Variants in RGS6 observed in about 807,000 individuals in gnomAD.
RGS6 encodes regulator of G-protein signaling 6.
In RGS6, 30 loss-of-function variants were observed where a neutral mutation model predicts 78.5. The observed-to-expected ratio is 0.38, with a 90% confidence interval of 0.29 to 0.52. RGS6 has a LOEUF of 0.52. Among genes scored for constraint, RGS6 ranks in the 20% least tolerant of loss-of-function variants. The pLI is 0.85. For synonymous variants in RGS6, 206 were observed against 206.0 expected (o/e 1.00, Z 0.00); for missense variants, 495 against 609.7 (o/e 0.81, Z 1.98).
intron 2 of RGS6, among the ~76,000 whole-genome samples, chr14:72,195,456 A>G (rs950783838): frequency 1.3e-5 from 2 of 152,192 alleles, no homozygotes; most frequent in African/African-American, 4.8e-5. Flanking sequence ...TGAGGTCTAC[A>G]AGGATGAGAG....
At chr14:71,948,740 CTTTTTTTT>C (rs71305831) in intron 1 of RGS6, among the ~76,000 whole-genome samples, 17 of 65,170 alleles carry the variant, frequency 2.6e-4, no homozygotes, top group African/African-American at 9.3e-4. Context: ...CTCTCTCTCT[CTTTTTTTT>C]TTTTTTTTTT....
rs573500311 is a variant in RGS6, at chr14:72,378,837, C to G, written c.184+26643C>G. Among the ~76,000 whole-genome samples the G allele has an allele frequency of 2.0e-5, 3 of 152,132 alleles. No homozygotes were observed. In the South Asian group the frequency reaches 6.2e-4, roughly 32 times the overall value. ...TAGAGGAAATTTTTCCTAACTCATTCTATGAGACCAGTGTAACTAACTAGA... is the reference window on the plus strand; with the variant it reads ...TAGAGGAAATTTTTCCTAACTCATTGTATGAGACCAGTGTAACTAACTAGA... On this transcript the variant is annotated intron_variant, in intron 3 of 17. Coordinates refer to ENST00000553525, the MANE Select transcript of RGS6 (RefSeq NM_001204424.2).
At chr14:72,517,220 AC>A (rs1330320884) in intron 14 of RGS6, among the ~76,000 whole-genome samples, 1 of 151,532 alleles carries the variant, frequency 6.6e-6, no homozygotes, top group Non-Finnish European at 1.5e-5. Context: ...ACTTTCCACC[AC>A]GTCATGTTTC....
At chr14:72,541,056 T>C (rs768596281) in intron 17 of RGS6, 3 of 1,341,526 alleles carry the variant, frequency 2.2e-6, no homozygotes, top group Non-Finnish European at 2.9e-6. Flanking sequence ...TCAATCCCGC[T>C]CAATCACGGG....
At chr14:72,335,433 C>T (rs1270466520) in intron 2 of RGS6, among the ~76,000 whole-genome samples, 7 of 152,150 alleles carry the variant, frequency 4.6e-5, no homozygotes. Flanking sequence ...TAATAGACTA[C>T]CAAGTCCCCT....
intron 2 of RGS6, among the ~76,000 whole-genome samples, chr14:72,171,330 GC>G (rs1567372240): frequency 6.6e-6 from 1 of 152,136 alleles, no homozygotes; most frequent in Non-Finnish European, 1.5e-5. Flanking sequence ...AGGAATGACA[GC>G]TTTTATTTGC....
chr14:72,044,879 CA>C (rs56041011), intron 2 of RGS6, among the ~76,000 whole-genome samples: 140,808 of 152,132 alleles, frequency 0.93, 65,234 homozygotes, highest in African/African-American at 0.95. Context: ...TCTCAAAAAA[CA>C]AAAAAAACCA....
At chr14:72,629,014 C>T in the RGS6 span, among the ~76,000 whole-genome samples, 3 of 152,188 alleles carry the variant, frequency 2.0e-5, no homozygotes, top group African/African-American at 7.2e-5. Context: ...AATCCCAATT[C>T]AAATAAACAG....
At chr14:72,382,876 A>G (rs2086565044) in intron 3 of RGS6, among the ~76,000 whole-genome samples, 1 of 152,130 alleles carries the variant, frequency 6.6e-6, no homozygotes, top group Non-Finnish European at 1.5e-5. Flanking sequence ...GCATTGTATT[A>G]TTTAGTGATT....
chr14:72,333,838 G>A (rs560523623), intron 2 of RGS6, among the ~76,000 whole-genome samples: 1 of 152,222 alleles, frequency 6.6e-6, no homozygotes, highest in African/African-American at 2.4e-5. Context: ...CACTGGCTGA[G>A]GTTTATTTCC....
intron 3 of RGS6, among the ~76,000 whole-genome samples, chr14:72,362,627 G>A (rs1455605505): frequency 1.3e-5 from 2 of 152,142 alleles, no homozygotes; most frequent in East Asian, 1.9e-4. Context: ...CTTCTTCACA[G>A]CCTCTTGGTC....
chr14:72,283,283 A>G (rs1355735392), intron 2 of RGS6, among the ~76,000 whole-genome samples: 1 of 152,170 alleles, frequency 6.6e-6, no homozygotes, highest in Admixed American at 6.5e-5. Context: ...TATTTTGGCT[A>G]TATACCCAGA....
At chr14:71,967,745 C>A (rs759373029) in intron 2 of RGS6, among the ~76,000 whole-genome samples, 1 of 151,986 alleles carries the variant, frequency 6.6e-6, no homozygotes, top group Non-Finnish European at 1.5e-5. Context: ...TTTAAAAAGC[C>A]AAATCTAGAG....
chr14:72,446,095 C>T (rs567824499), intron 3 of RGS6, among the ~76,000 whole-genome samples: 1 of 152,200 alleles, frequency 6.6e-6, no homozygotes, highest in African/African-American at 2.4e-5. Context: ...CCTGTCTCTA[C>T]AAAAAATTTA....
the RGS6 span, among the ~76,000 whole-genome samples, chr14:71,894,023 T>A: frequency 0.01 from 1,588 of 152,234 alleles, 18 homozygotes; most frequent in Non-Finnish European, 0.017. Flanking sequence ...ATTTAGAAAT[T>A]TTTCATGTGA....
chr14:72,403,470 G>A (rs1044990686), intron 3 of RGS6, among the ~76,000 whole-genome samples: 21 of 152,186 alleles, frequency 1.4e-4, no homozygotes, highest in Admixed American at 9.8e-4. Flanking sequence ...GGGAGGAGAT[G>A]GAGAGGTTGG....
At chr14:72,289,135 C>T (rs138748375) in intron 2 of RGS6, among the ~76,000 whole-genome samples, 1 of 152,186 alleles carries the variant, frequency 6.6e-6, no homozygotes, top group Non-Finnish European at 1.5e-5. Context: ...TGGTATTAAC[C>T]CTTAATCAGC....
At chr14:72,332,288 C>T (rs144610277) in intron 2 of RGS6, among the ~76,000 whole-genome samples, 11 of 152,320 alleles carry the variant, frequency 7.2e-5, no homozygotes, top group Non-Finnish European at 1.3e-4. Flanking sequence ...CAAAAAAGAG[C>T]GTTGGCCATC....
intron 2 of RGS6, among the ~76,000 whole-genome samples, chr14:72,328,038 A>G (rs1000653421): frequency 6.6e-6 from 1 of 152,194 alleles, no homozygotes; most frequent in Admixed American, 6.6e-5. Flanking sequence ...AAAATTCAGC[A>G]TGAGTCCACA....
Sources: gnomAD v4.1 joint callset for allele counts (sites outside exome capture counted in the v4.1 genomes callset) on GRCh38, gnomAD v4.1.1 for gene constraint, MANE v1.5 for transcripts, NCBI Gene and HGNC (gene_info 2026-07-23, HGNC 2026-07-21) for gene names.